The following CCDC85C variants were observed in gnomAD, a reference collection of about 807,000 sequenced individuals.
The protein encoded by CCDC85C is coiled-coil domain-containing protein 85C.
A neutral mutation model predicts 38.3 loss-of-function variants in CCDC85C; 18 were observed. The ratio of observed to expected loss-of-function variants is 0.47; its 90% CI spans 0.33 to 0.70. The LOEUF is 0.70. Ranked by LOEUF, CCDC85C falls within the 30% of genes least tolerant of loss-of-function variation. The pLI is 0.03. For synonymous variants in CCDC85C, 264 were observed against 293.8 expected (o/e 0.90, Z 1.04); for missense variants, 566 against 621.2 (o/e 0.91, Z 0.94).
rs1329242584 is a variant in CCDC85C at position 99,510,559 on chromosome 14, C to G, written c.*4687G>C. The stretch of plus-strand genomic sequence containing the variant: ...ATCCCACCCCCTACTCCTGGCTACC[C>G]CCCACCCCCACCCACCTACAACCCC... On this transcript the variant is annotated 3_prime_UTR_variant, in exon 6 of 6. Transcript: ENST00000380243. 1 of 383,586 alleles carries G rather than the reference C, an allele frequency of 2.6e-6. No homozygotes were observed. The highest frequency in any genetic ancestry group is 5.7e-5 in the East Asian group (1 of 17,662). The allele number at this position is 383,586 out of a possible 1,614,324, so 23.8% of individuals were successfully genotyped here. A position where few individuals can be genotyped will look rare whatever the true frequency, so the allele number is the denominator to read the frequency against.
In CCDC85C at chr14:99,576,145, G is replaced by A. The variant is rs1490529751; in HGVS notation, c.793+27022C>T. Among the ~76,000 whole-genome samples the A allele has an allele frequency of 6.6e-6, 1 of 152,186 alleles. No individual in the cohort carries two copies. The highest frequency in any genetic ancestry group is 1.5e-5 in the Non-Finnish European group (1 of 68,030). ...AAAAGTAGCCACAATCCCACAAAGA[G>A]GGCCAGGGGTACATCCAAGGCATAA... On this transcript the variant is annotated intron_variant, in intron 1 of 5. Coordinates refer to ENST00000380243, the MANE Select transcript of CCDC85C (RefSeq NM_001144995.2). The surrounding 1 kb of genome is among the most constrained non-coding windows in gnomAD (Gnocchi z 4.8).
Position 99,502,552 on chromosome 14 carries a change from G to A in CCDC85C, c.*12694C>T, listed in dbSNP as rs1397338355. 2.4e-6 allele frequency: 3 copies of A among 1,275,408 alleles called. No individual in the cohort carries two copies. Among genetic ancestry groups the A allele is most frequent in the Non-Finnish European group, 3.2e-6 (3 of 938,596 alleles). The allele number at this position is 1,275,408 out of a possible 1,614,324, so 79.0% of individuals were successfully genotyped here. On this transcript the variant is annotated 3_prime_UTR_variant, in exon 6 of 6. Transcript: ENST00000380243. The stretch of plus-strand genomic sequence containing the variant: ...CACTTTGTCCAAACACATACTTTTG[G>A]TAAACTAAAAATACACACCAGTGTT...
intron 2 of CCDC85C, among the ~76,000 whole-genome samples, chr14:99,524,872 A>G (rs554874603): frequency 2.7e-4 from 41 of 152,296 alleles, no homozygotes; most frequent in African/African-American, 9.9e-4. Context: ...CCACCTGCCC[A>G]GTCTTCCTCG....
intron 1 of CCDC85C, among the ~76,000 whole-genome samples, chr14:99,539,727 G>A (rs1336062755): frequency 6.6e-6 from 1 of 152,234 alleles, no homozygotes. Flanking sequence ...CAGGAAGGAA[G>A]TCCACAGAAA....
intron 3 of CCDC85C, 107 bp downstream of exon 3, chr14:99,522,026 T>C: frequency 1.2e-6 from 1 of 818,920 alleles, no homozygotes; most frequent in Non-Finnish European, 2.0e-6. Context: ...GGGCTGGGGC[T>C]GAACTCAGGC....
chr14:99,554,990 C>T (rs1897983309), intron 1 of CCDC85C, among the ~76,000 whole-genome samples: 1 of 152,236 alleles, frequency 6.6e-6, no homozygotes, highest in South Asian at 2.1e-4. Context: ...GCCCACAAGA[C>T]TGTGTTTCTT....
intron 1 of CCDC85C, among the ~76,000 whole-genome samples, chr14:99,571,708 G>T (rs781127997): frequency 5.9e-5 from 9 of 152,238 alleles, no homozygotes; most frequent in Non-Finnish European, 1.0e-4. Flanking sequence ...AAAGTGGCTG[G>T]GAAATGGAAT....
chr14:99,548,086 C>T lies in CCDC85C; in HGVS notation c.794-11998G>A, dbSNP rs1254839891. Among the ~76,000 whole-genome samples the T allele has an allele frequency of 6.6e-6, 1 of 152,098 alleles. No individual in the cohort carries two copies. The highest frequency in any genetic ancestry group is 1.5e-5 in the Non-Finnish European group (1 of 68,030). On this transcript the variant is annotated intron_variant, in intron 1 of 5. Transcript: ENST00000380243. The surrounding 1 kb of genome is among the most constrained non-coding windows in gnomAD (Gnocchi z 4.9). The stretch of plus-strand genomic sequence containing the variant: ...TGAAGGGAACGACCGTGAAACCCGA[C>T]TATATGAGGATTACGAACGCTGCCA...
At chr14:99,561,755 G>A (rs1283357655) in intron 1 of CCDC85C, among the ~76,000 whole-genome samples, 1 of 152,200 alleles carries the variant, frequency 6.6e-6, no homozygotes, top group African/African-American at 2.4e-5. Flanking sequence ...CAGCACACAT[G>A]AAGCTGGGTA....
chr14:99,547,847 TAC>T (rs1450195858), intron 1 of CCDC85C, among the ~76,000 whole-genome samples: 2 of 151,718 alleles, frequency 1.3e-5, no homozygotes, highest in Non-Finnish European at 2.9e-5. Flanking sequence ...TGTGTGTATA[TAC>T]ACATATATAT....
At chr14:99,557,895 A>G (rs1898042572) in intron 1 of CCDC85C, among the ~76,000 whole-genome samples, 1 of 150,724 alleles carries the variant, frequency 6.6e-6, no homozygotes, top group Non-Finnish European at 1.5e-5. Flanking sequence ...AACCTGGGCC[A>G]CAGAATAAGA....
intron 1 of CCDC85C, among the ~76,000 whole-genome samples, chr14:99,594,013 T>G (rs998791712): frequency 5.1e-5 from 7 of 136,310 alleles, no homozygotes; most frequent in African/African-American, 1.9e-4. Flanking sequence ...GGAGGTTTGA[T>G]TTTGCTGGGG....
At chr14:99,541,605 G>A (rs1336653474) in intron 1 of CCDC85C, among the ~76,000 whole-genome samples, 3 of 152,112 alleles carry the variant, frequency 2.0e-5, no homozygotes, top group Admixed American at 6.5e-5. Context: ...TCTAGGGCTC[G>A]GAGTCACCCC....
In CCDC85C at chr14:99,576,111, C is replaced by A. The variant is rs557021047; in HGVS notation, c.793+27056G>T. 9.3e-4 allele frequency among the ~76,000 whole-genome samples: 142 copies of A among 152,358 alleles called. No homozygotes were observed. Among genetic ancestry groups the A allele is most frequent in the African/African-American group, 3.1e-3 (129 of 41,586 alleles). On this transcript the variant is annotated intron_variant, in intron 1 of 5. Coordinates refer to ENST00000380243, the MANE Select transcript of CCDC85C (RefSeq NM_001144995.2). This position sits in a 1 kb window ranked among gnomAD's most constrained non-coding sequence, Gnocchi z 4.8. ...CTCACACTAATGGCCACATCTTCCT[C>A]CATCCCCAAAAAGTAGCCACAATCC... is the stretch of plus-strand genomic sequence containing the variant.
intron 3 of CCDC85C, among the ~76,000 whole-genome samples, chr14:99,521,644 A>G (rs1897304513): frequency 6.6e-6 from 1 of 152,184 alleles, no homozygotes; most frequent in Non-Finnish European, 1.5e-5. Flanking sequence ...CACTGCCATC[A>G]TATCTATCTA....
At position 99,573,137 on chromosome 14, in the gene CCDC85C, G is replaced by A. The variant is rs182694040; in HGVS notation, c.793+30030C>T. On this transcript the variant is annotated intron_variant, in intron 1 of 5. Transcript: ENST00000380243. ...TCAGGCGTGCAGCTGCCTGGGCACC[G>A]CTTCATTTCCCCCGGTGCCTCGGAG... Among the ~76,000 whole-genome samples, 551 of 152,334 alleles carry A rather than the reference G, an allele frequency of 3.6e-3. 2 individuals are homozygous for A. The highest frequency in any genetic ancestry group is 6.1e-3 in the Admixed American group (94 of 15,306).
intron 1 of CCDC85C, among the ~76,000 whole-genome samples, chr14:99,570,126 C>T (rs6575735): frequency 0.55 from 84,076 of 151,830 alleles, 23,283 homozygotes; most frequent in South Asian, 0.59. Context: ...GGCATCCACG[C>T]GCAGCTTTCA....
Position 99,503,783 on chromosome 14 carries a change from GCATTGTCTTTCTGTT to G in CCDC85C, c.*11448_*11462del, listed in dbSNP as rs919077781. ...GAGCTCATACAAAACTTTTCCATCA[GCATTGTCTTTCTGTT>G]CATCACCTGATCATAGATTCTAAAA... is the stretch of plus-strand genomic sequence containing the variant. On this transcript the variant is annotated 3_prime_UTR_variant, in exon 6 of 6. Transcript: ENST00000380243. 21 of 683,522 alleles carry G rather than the reference GCATTGTCTTTCTGTT, an allele frequency of 3.1e-5. No individual in the cohort carries two copies. The East Asian group carries it at 5.8e-4, about 19-fold the overall frequency. The allele number at this position is 683,522 out of a possible 1,614,324, so 42.3% of individuals were successfully genotyped here. A position where few individuals can be genotyped will look rare whatever the true frequency, so the allele number is the denominator to read the frequency against.
chr14:99,564,091 C>G (rs991485993), intron 1 of CCDC85C, among the ~76,000 whole-genome samples: 1 of 152,230 alleles, frequency 6.6e-6, no homozygotes, highest in Non-Finnish European at 1.5e-5. Flanking sequence ...TTGCAATTGT[C>G]TAGAAATGAC....
Sources: allele counts gnomAD v4.1 joint callset (sites outside exome capture counted in the v4.1 genomes callset), GRCh38; gene constraint gnomAD v4.1.1; non-coding constraint Gnocchi (gnomAD v3.1); transcripts MANE v1.5; gene names NCBI Gene and HGNC (gene_info 2026-07-23, HGNC 2026-07-21).